ARB2A: variants seen among roughly 807,000 people sequenced by gnomAD.
ARB2A encodes cotranscriptional regulator ARB2A.
At chr5:94,004,195 C>G in the ARB2A span, among the ~76,000 whole-genome samples, 1 of 152,064 alleles carries the variant, frequency 6.6e-6, no homozygotes, top group Non-Finnish European at 1.5e-5. Flanking sequence ...TAACTCAAAA[C>G]AAATTTAAAT....
chr5:94,027,583 C>T, the ARB2A span, among the ~76,000 whole-genome samples: 2 of 152,274 alleles, frequency 1.3e-5, no homozygotes, highest in East Asian at 3.9e-4. Context: ...AACACACAGA[C>T]GCTGACAGGA....
At chr5:93,838,350 T>C in the ARB2A span, among the ~76,000 whole-genome samples, 1 of 152,290 alleles carries the variant, frequency 6.6e-6, no homozygotes, top group South Asian at 2.1e-4. Context: ...TCTATTCCAT[T>C]GGTATATGTA....
chr5:94,049,676 G>A, the ARB2A span, among the ~76,000 whole-genome samples: 1 of 152,030 alleles, frequency 6.6e-6, no homozygotes, highest in South Asian at 2.1e-4. Flanking sequence ...AAAAAAATTA[G>A]GTGGGCATGG....
the ARB2A span, among the ~76,000 whole-genome samples, chr5:93,666,562 T>G: frequency 6.6e-6 from 1 of 152,014 alleles, no homozygotes; most frequent in Admixed American, 6.6e-5. Context: ...CCTGGTCCAT[T>G]TAACAGAGAA....
chr5:93,749,286 T>C, the ARB2A span, among the ~76,000 whole-genome samples: 1 of 152,198 alleles, frequency 6.6e-6, no homozygotes. Context: ...AAAAGTGATG[T>C]GATTGGCCAT....
At chr5:93,975,298 CAG>C in the ARB2A span, among the ~76,000 whole-genome samples, 1 of 114,444 alleles carries the variant, frequency 8.7e-6, no homozygotes, top group African/African-American at 3.4e-5. Flanking sequence ...GCCTGGGACA[CAG>C]AGCAAGACTC....
At chr5:93,735,163 T>C in the ARB2A span, 1 of 152,230 alleles carries the variant, frequency 6.6e-6, no homozygotes, top group African/African-American at 2.4e-5. Context: ...AGGGTAGTTA[T>C]TCTTCTGTTT....
the ARB2A span, among the ~76,000 whole-genome samples, chr5:94,027,485 T>G: frequency 2.6e-5 from 4 of 152,124 alleles, no homozygotes; most frequent in Non-Finnish European, 4.4e-5. Flanking sequence ...AAGGCTTCCA[T>G]AAAACCCCAA....
At chr5:93,820,050 CTAATAA>C in the ARB2A span, among the ~76,000 whole-genome samples, 1 of 151,992 alleles carries the variant, frequency 6.6e-6, no homozygotes, top group Non-Finnish European at 1.5e-5. Context: ...TGGGAATATA[CTAATAA>C]TAACATGGAA....
At chr5:94,094,756 T>C in the ARB2A span, among the ~76,000 whole-genome samples, 1 of 152,146 alleles carries the variant, frequency 6.6e-6, no homozygotes, top group Admixed American at 6.6e-5. Context: ...CAAAAGAAAC[T>C]ACCCCACTTC....
chr5:93,748,023 A>G, the ARB2A span, among the ~76,000 whole-genome samples: 2 of 152,208 alleles, frequency 1.3e-5, no homozygotes, highest in Non-Finnish European at 2.9e-5. Flanking sequence ...TAATCTAGTT[A>G]ATGTCCAGTT....
At chr5:93,942,114 T>C in the ARB2A span, among the ~76,000 whole-genome samples, 1 of 152,180 alleles carries the variant, frequency 6.6e-6, no homozygotes, top group African/African-American at 2.4e-5. Context: ...TAATGATATA[T>C]CTGCCATGAT....
the ARB2A span, among the ~76,000 whole-genome samples, chr5:93,910,189 T>C: frequency 6.6e-6 from 1 of 150,448 alleles, no homozygotes; most frequent in Non-Finnish European, 1.5e-5. Context: ...GGGCAGAAAA[T>C]AAACTTACAT....
chr5:93,656,686 C>T, the ARB2A span, among the ~76,000 whole-genome samples: 1 of 152,178 alleles, frequency 6.6e-6, no homozygotes, highest in Non-Finnish European at 1.5e-5. Flanking sequence ...AAAAGCAACA[C>T]TCCACACATC....
At chr5:93,899,006 C>A in the ARB2A span, among the ~76,000 whole-genome samples, 4 of 152,138 alleles carry the variant, frequency 2.6e-5, no homozygotes, top group African/African-American at 9.6e-5. Context: ...AGAGCTCACA[C>A]CATTGACCAA....
At chr5:93,763,940 G>C in the ARB2A span, among the ~76,000 whole-genome samples, 1 of 152,152 alleles carries the variant, frequency 6.6e-6, no homozygotes, top group Non-Finnish European at 1.5e-5. Flanking sequence ...ACCTGCTCCT[G>C]AATGACTACT....
At chr5:93,821,123 A>G in the ARB2A span, among the ~76,000 whole-genome samples, 1 of 152,208 alleles carries the variant, frequency 6.6e-6, no homozygotes, top group Admixed American at 6.5e-5. Context: ...AATTAGCAAA[A>G]TATTAAAGCA....
chr5:93,663,377 G>C, the ARB2A span, among the ~76,000 whole-genome samples: 1 of 152,168 alleles, frequency 6.6e-6, no homozygotes, highest in South Asian at 2.1e-4. Flanking sequence ...TCCCCTGAAG[G>C]AAAGCTAAAA....
chr5:94,082,468 T>C, the ARB2A span, among the ~76,000 whole-genome samples: 1 of 152,202 alleles, frequency 6.6e-6, no homozygotes, highest in East Asian at 1.9e-4. Context: ...AAGCAGCTGA[T>C]TAAGCCTAGT....
Sources: gnomAD v4.1 joint callset for allele counts (sites outside exome capture counted in the v4.1 genomes callset) on GRCh38, gnomAD v4.1.1 for gene constraint, MANE v1.5 for transcripts, NCBI Gene and HGNC (gene_info 2026-07-23, HGNC 2026-07-21) for gene names.